Variants in DLG1 observed in about 807,000 individuals in gnomAD.
DLG1 encodes the protein disks large homolog 1.
DLG1 carries 42 observed loss-of-function variants against 123.4 expected under a neutral mutation model. The observed-to-expected ratio is 0.34, with a 90% CI of 0.27 to 0.44. The LOEUF is 0.44. DLG1 is among the 20% of genes least tolerant of loss of function. DLG1 has a pLI of 1.00. For missense variants in DLG1, 942 were observed against 1,082.6 expected, an observed-to-expected ratio of 0.87 and a Z score of 1.82; for synonymous variants, 317 against 356.2, an observed-to-expected ratio of 0.89 and a Z score of 1.24.
At position 197,042,751 on chromosome 3, in the gene DLG1, C is replaced by CAACCTACGACATTT. The variant is rs1720971540; in HGVS notation, c.*1858_*1871dup. 1 of 152,204 alleles carries CAACCTACGACATTT rather than the reference C, an allele frequency of 6.6e-6. No individual in the cohort carries two copies. The highest frequency in any genetic ancestry group is 1.5e-5 in the Non-Finnish European group (1 of 68,034). The allele number at this position is 152,204 out of a possible 1,614,324, so 9.4% of individuals were successfully genotyped here. On this transcript the variant is annotated 3_prime_UTR_variant, in exon 25 of 25. Transcript: ENST00000667157. ...TACTAGTGTGTTTCTATGTGGTTAA[C>CAACCTACGACATTT]AACCTACGACATTTAGTCTAACAGC...
chr3:197,101,886 C>T (rs1763668117), intron 14 of DLG1, among the ~76,000 whole-genome samples: 1 of 152,028 alleles, frequency 6.6e-6, no homozygotes, highest in South Asian at 2.1e-4. Context: ...GCTGGGACTA[C>T]GGGTGCGCAC....
chr3:197,091,242 T>C (rs1578968872), intron 14 of DLG1, among the ~76,000 whole-genome samples: 1 of 152,170 alleles, frequency 6.6e-6, no homozygotes, highest in African/African-American at 2.4e-5. Context: ...GAGTTAGAAT[T>C]TTTCTACATG....
intron 4 of DLG1, among the ~76,000 whole-genome samples, chr3:197,220,629 A>T (rs1304676215): frequency 6.6e-6 from 1 of 151,270 alleles, no homozygotes; most frequent in Non-Finnish European, 1.5e-5. Context: ...CAGTTTAAGA[A>T]AGGAGTTTTT....
chr3:197,234,963 T>C (rs1178271136), intron 4 of DLG1, among the ~76,000 whole-genome samples: 3 of 151,962 alleles, frequency 2.0e-5, no homozygotes, highest in African/African-American at 7.3e-5. Context: ...AGGATCTAAA[T>C]AAACAAAATA....
intron 5 of DLG1, among the ~76,000 whole-genome samples, chr3:197,178,285 T>C (rs1425906891): frequency 6.6e-6 from 1 of 152,118 alleles, no homozygotes; most frequent in African/African-American, 2.4e-5. Context: ...AAATCATAAA[T>C]ATATCTTGAA....
intron 14 of DLG1, 41 bp downstream of exon 14, chr3:197,104,862 C>A: frequency 7.3e-7 from 1 of 1,362,056 alleles, no homozygotes. Flanking sequence ...ATTTTAAAAA[C>A]TAAAATAAGC....
intron 18 of DLG1, 47 bp from the exon 19 acceptor site, chr3:197,069,307 TA>T: frequency 1.5e-6 from 2 of 1,339,458 alleles, no homozygotes; most frequent in South Asian, 1.4e-5. Flanking sequence ...GTCATGAGTT[TA>T]AAAAGCAAAT....
intron 5 of DLG1, among the ~76,000 whole-genome samples, chr3:197,156,090 G>A (rs1003147112): frequency 7.2e-5 from 11 of 152,062 alleles, no homozygotes; most frequent in African/African-American, 2.7e-4. Flanking sequence ...TTTAAGAAAC[G>A]AACGCATTAA....
intron 4 of DLG1, among the ~76,000 whole-genome samples, chr3:197,200,266 ATAT>A (rs1227111364): frequency 2.0e-5 from 3 of 152,200 alleles, no homozygotes; most frequent in East Asian, 1.9e-4. Flanking sequence ...AGTTGAACAA[ATAT>A]TATTAGTGTG....
At chr3:197,205,179 G>C (rs1273177608) in intron 4 of DLG1, among the ~76,000 whole-genome samples, 2 of 152,174 alleles carry the variant, frequency 1.3e-5, no homozygotes, top group African/African-American at 4.8e-5. Context: ...TAGGGAAAGG[G>C]CGTGGGAGGA....
At chr3:197,048,151 C>A (rs1388474448) in intron 24 of DLG1, among the ~76,000 whole-genome samples, 1 of 152,132 alleles carries the variant, frequency 6.6e-6, no homozygotes, top group East Asian at 1.9e-4. Context: ...AGTGCTCAAC[C>A]TCATTAATCA....
chr3:197,098,251 T>C (rs981905558), intron 14 of DLG1, among the ~76,000 whole-genome samples: 1 of 152,208 alleles, frequency 6.6e-6, no homozygotes, highest in Non-Finnish European at 1.5e-5. Flanking sequence ...GTAGCATTAT[T>C]AGTTTTTAGC....
intron 6 of DLG1, among the ~76,000 whole-genome samples, chr3:197,143,277 G>A (rs891579811): frequency 6.8e-6 from 1 of 147,312 alleles, no homozygotes; most frequent in African/African-American, 2.5e-5. Flanking sequence ...TTTTGAGATG[G>A]AGTCTCGCTC....
At chr3:197,078,068 T>C (rs956821533) in intron 17 of DLG1, among the ~76,000 whole-genome samples, 35 of 151,642 alleles carry the variant, frequency 2.3e-4, no homozygotes, top group Admixed American at 1.8e-3. Context: ...CCCCAGCCCT[T>C]TGGTAGGCTG....
intron 4 of DLG1, among the ~76,000 whole-genome samples, chr3:197,264,236 C>T (rs952927209): frequency 6.6e-6 from 1 of 152,122 alleles, no homozygotes; most frequent in African/African-American, 2.4e-5. Flanking sequence ...CAGTTTTATA[C>T]GGTTTAAGTT....
intron 19 of DLG1, chr3:197,068,611 T>G: frequency 1.1e-6 from 1 of 915,112 alleles, no homozygotes; most frequent in Non-Finnish European, 1.7e-6. Context: ...ACAACTGATA[T>G]TATGTACCCT....
chr3:197,063,273 G>A (rs1391680835), intron 22 of DLG1, among the ~76,000 whole-genome samples: 2 of 150,094 alleles, frequency 1.3e-5, no homozygotes, highest in Non-Finnish European at 3.0e-5. Flanking sequence ...TTTCTTTGTT[G>A]CTTTTATTTT....
At chr3:197,259,377 ATT>A (rs1758325772) in intron 4 of DLG1, among the ~76,000 whole-genome samples, 1 of 152,158 alleles carries the variant, frequency 6.6e-6, no homozygotes, top group Non-Finnish European at 1.5e-5. Context: ...AAGAAAACTA[ATT>A]TCCATCAATT....
rs1016420130 is a variant in DLG1 at position 197,266,863 on chromosome 3, C to A, written c.318+15816G>T. Among the ~76,000 whole-genome samples, 11 of 152,214 alleles carry A rather than the reference C, an allele frequency of 7.2e-5. No homozygotes were observed. In the Middle Eastern group the frequency reaches 0.01, roughly 141 times the overall value. On this transcript the variant is annotated intron_variant, in intron 4 of 24. Transcript: ENST00000667157. ...AACCAATATACAAGTACTGGAATCC[C>A]TGAAAGCAAAGGGGAAGGAAGAGAA...
Sources: allele counts gnomAD v4.1 joint callset (sites outside exome capture counted in the v4.1 genomes callset), GRCh38; gene constraint gnomAD v4.1.1; transcripts MANE v1.5; gene names NCBI Gene and HGNC (gene_info 2026-07-23, HGNC 2026-07-21).